The following TTC29 variants were observed in gnomAD, a reference collection of about 807,000 sequenced individuals.
The protein encoded by TTC29 is tetratricopeptide repeat domain 29.
TTC29 carries 49 observed loss-of-function variants against 58.1 expected under a neutral mutation model. The observed-to-expected ratio is 0.84, with a 90% confidence interval of 0.67 to 1.07. The LOEUF is 1.07. TTC29 is among the 50% of genes least tolerant of loss of function. TTC29 has a pLI of 0.00. For synonymous variants in TTC29, 209 were observed against 196.8 expected, an observed-to-expected ratio of 1.06 and a Z score of -0.52; for missense variants, 582 against 555.6, an observed-to-expected ratio of 1.05 and a Z score of -0.48.
chr4:146,836,192 C>G (rs1365822060), intron 8 of TTC29, among the ~76,000 whole-genome samples: 1 of 152,126 alleles, frequency 6.6e-6, no homozygotes, highest in East Asian at 1.9e-4. Flanking sequence ...TATTTGGGAA[C>G]CTGTTATTTA....
At chr4:146,869,086 G>A (rs1579869119) in intron 7 of TTC29, among the ~76,000 whole-genome samples, 1 of 141,134 alleles carries the variant, frequency 7.1e-6, no homozygotes, top group South Asian at 2.3e-4. Flanking sequence ...TACAGTCTGT[G>A]GAGCTTTAAG....
chr4:146,881,235 T>C (rs1169668623), intron 6 of TTC29, among the ~76,000 whole-genome samples: 1 of 152,104 alleles, frequency 6.6e-6, no homozygotes, highest in Non-Finnish European at 1.5e-5. Flanking sequence ...GCTAATTATT[T>C]CCTTTTCTAT....
intron 6 of TTC29, among the ~76,000 whole-genome samples, chr4:146,879,880 G>A (rs1050777683): frequency 2.0e-5 from 3 of 152,150 alleles, no homozygotes; most frequent in African/African-American, 7.2e-5. Flanking sequence ...ACTATTCACA[G>A]GTATTAAAGT....
At chr4:146,778,172 A>T (rs7442415) in intron 11 of TTC29, among the ~76,000 whole-genome samples, 20 of 151,078 alleles carry the variant, frequency 1.3e-4, no homozygotes, top group Non-Finnish European at 2.9e-5. Flanking sequence ...TTCTCTGTCT[A>T]TCCTGTTATT....
At chr4:146,888,144 C>A (rs753235422) in intron 6 of TTC29, among the ~76,000 whole-genome samples, 1 of 152,020 alleles carries the variant, frequency 6.6e-6, no homozygotes, top group Non-Finnish European at 1.5e-5. Context: ...TAGGTGGTTT[C>A]GTTTTTTAAT....
intron 11 of TTC29, 42 bp downstream of exon 11, chr4:146,803,415 A>T: frequency 7.6e-7 from 1 of 1,308,220 alleles, no homozygotes; most frequent in Non-Finnish European, 1.1e-6. Context: ...AATCATTGAG[A>T]ATGATATGAA....
chr4:146,805,561 A>C (rs1338534676), intron 10 of TTC29, among the ~76,000 whole-genome samples: 1 of 152,010 alleles, frequency 6.6e-6, no homozygotes, highest in Non-Finnish European at 1.5e-5. Flanking sequence ...ATGGAACTGA[A>C]AAACACAGCA....
intron 11 of TTC29, among the ~76,000 whole-genome samples, chr4:146,782,461 A>C (rs1023840277): frequency 3.3e-5 from 5 of 151,932 alleles, no homozygotes; most frequent in Non-Finnish European, 7.4e-5. Context: ...ATTCCTGTAA[A>C]GTTACTTAAG....
chr4:146,754,905 A>G (rs1014893618), intron 11 of TTC29, among the ~76,000 whole-genome samples: 15 of 152,102 alleles, frequency 9.9e-5, no homozygotes, highest in Non-Finnish European at 2.9e-5. Flanking sequence ...AGCAAGATTA[A>G]TCAGAAAAGA....
chr4:146,760,758 ATATATATATATGATGGAATAC>A (rs1332941406), intron 11 of TTC29, among the ~76,000 whole-genome samples: 11 of 146,674 alleles, frequency 7.5e-5, no homozygotes, highest in Admixed American at 2.1e-4. Flanking sequence ...ATATGTGTAT[ATATATATATATGATGGAATAC>A]TATATATATA....
chr4:146,908,965 T>G (rs972969384), intron 5 of TTC29, 61 bp downstream of exon 5: 16 of 1,410,954 alleles, frequency 1.1e-5, no homozygotes, highest in Non-Finnish European at 1.6e-5. Context: ...ATCTGGAATC[T>G]TCCCCCAGGA....
At chr4:146,725,779 G>A (rs755937618) in intron 11 of TTC29, among the ~76,000 whole-genome samples, 8 of 152,074 alleles carry the variant, frequency 5.3e-5, no homozygotes, top group African/African-American at 1.7e-4. Context: ...TTAAAGTGTT[G>A]ATTTGCTCCA....
intron 8 of TTC29, among the ~76,000 whole-genome samples, chr4:146,840,880 A>C (rs1048367176): frequency 6.6e-6 from 1 of 152,146 alleles, no homozygotes; most frequent in African/African-American, 2.4e-5. Flanking sequence ...ACAATGAGAA[A>C]GAAGAGAAAG....
chr4:146,919,795 C>A (rs1734465471), intron 4 of TTC29, among the ~76,000 whole-genome samples: 1 of 150,910 alleles, frequency 6.6e-6, no homozygotes, highest in Admixed American at 6.6e-5. Context: ...TATCAACTTC[C>A]CATATACATT....
intron 7 of TTC29, among the ~76,000 whole-genome samples, chr4:146,871,004 T>G (rs1006593379): frequency 1.3e-5 from 2 of 151,964 alleles, no homozygotes; most frequent in Admixed American, 1.3e-4. Context: ...CAGTATTATT[T>G]TGACATCAAA....
chr4:146,765,490 C>T (rs747362382), intron 11 of TTC29, among the ~76,000 whole-genome samples: 2 of 152,118 alleles, frequency 1.3e-5, no homozygotes, highest in African/African-American at 2.4e-5. Flanking sequence ...CACGAGCCAA[C>T]GCGCTCAGCC....
intron 4 of TTC29, among the ~76,000 whole-genome samples, chr4:146,922,829 TATC>T (rs1734685300): frequency 1.3e-5 from 2 of 151,776 alleles, no homozygotes; most frequent in South Asian, 2.1e-4. Flanking sequence ...TATTAGAAAA[TATC>T]ATGTTAAACT....
At position 146,765,516 on chromosome 4, in the gene TTC29, T is replaced by C. The variant is rs549616546; in HGVS notation, c.1330+37941A>G. On this transcript the variant is annotated intron_variant, in intron 11 of 12. Transcript: ENST00000325106. ...GCGCTCAGCCCCACGATTTAATTTC[T>C]AATGGGCTAAGTTTGGAACTAAAAC... Among the ~76,000 whole-genome samples, 111 of 152,282 alleles carry C rather than the reference T, an allele frequency of 7.3e-4. 2 individuals are homozygous for C. Among genetic ancestry groups the C allele is most frequent in the African/African-American group, 2.5e-3 (102 of 41,570 alleles).
chr4:146,725,333 G>C (rs1013220846), intron 11 of TTC29, among the ~76,000 whole-genome samples: 3 of 151,936 alleles, frequency 2.0e-5, no homozygotes, highest in Admixed American at 1.3e-4. Flanking sequence ...CAAGAATTCT[G>C]AGCCAGGCTG....
Sources: allele counts gnomAD v4.1 joint callset (sites outside exome capture counted in the v4.1 genomes callset), GRCh38; gene constraint gnomAD v4.1.1; transcripts MANE v1.5; gene names NCBI Gene and HGNC (gene_info 2026-07-23, HGNC 2026-07-21).